C1orf174: variants seen among roughly 807,000 people sequenced by gnomAD.
The protein encoded by C1orf174 is UPF0688 protein C1orf174.
C1orf174 carries 13 observed loss-of-function variants against 18.4 expected under a neutral mutation model. That is an observed-to-expected ratio of 0.71 (90% CI 0.46 to 1.12). The LOEUF (loss-of-function observed/expected upper bound fraction) is 1.12, where lower values mean the gene tolerates loss of function less well. Among genes scored for constraint, C1orf174 ranks in the 50% most tolerant of loss-of-function variants. The pLI is 0.00. For synonymous variants in C1orf174, 100 were observed against 118.3 expected (o/e 0.85, Z 1.01); for missense variants, 309 against 308.0 (o/e 1.00, Z -0.02).
rs145371506 is a variant in C1orf174, at chr1:3,890,748, C to A, written c.439G>T (p.Gly147Trp). Residue 147 changes from glycine (G) to tryptophan (W), a missense_variant, in exon 3 of 4, where the codon GGG (glycine) becomes TGG (tryptophan). Coordinates refer to ENST00000361605, the MANE Select transcript of C1orf174 (RefSeq NM_207356.3). The part of the protein sequence containing the change: ...DGLSVPKHSA[G>W]SGAEESNSSS... The stretch of plus-strand genomic sequence containing the variant: ...CTGTTGGATTCTTCTGCTCCGGACC[C>A]GGCACTGTGTTTTGGCACGGACAGG... 3.7e-6 allele frequency: 6 copies of A among 1,613,966 alleles called. No homozygotes were observed. The East Asian group carries it at 6.7e-5, about 18-fold the overall frequency.
Position 3,889,759 on chromosome 1 carries a change from C to G in C1orf174, c.*201G>C, listed in dbSNP as rs1318816199. The G allele has an allele frequency of 1.8e-6, 1 of 566,464 alleles. No individual in the cohort carries two copies. Among genetic ancestry groups the G allele is most frequent in the Non-Finnish European group, 3.2e-6 (1 of 312,006 alleles). The allele number at this position is 566,464 out of a possible 1,614,324, so 35.1% of individuals were successfully genotyped here. A position where few individuals can be genotyped will look rare whatever the true frequency, so the allele number is the denominator to read the frequency against. ...GCACAGTACAGCAGCTTTGCAACCT[C>G]AAAGATGGTTTGAGTTTTAGTTCCC... is the stretch of plus-strand genomic sequence containing the variant. On this transcript the variant is annotated 3_prime_UTR_variant, in exon 4 of 4. Coordinates refer to ENST00000361605, the MANE Select transcript of C1orf174 (RefSeq NM_207356.3).
Position 3,890,883 on chromosome 1 carries a change from A to G in C1orf174, c.304T>C (p.Leu102=), listed in dbSNP as rs551271735. The part of the protein sequence containing the change: ...CENEFAEGSA[L]LPGSEAGVSV... ...ACGCCAGCCTCGCTGCCTGGAAGCAAGGCACTGCCTTCAGCAAACTCATTT... is the reference window on the plus strand; with the variant it reads ...ACGCCAGCCTCGCTGCCTGGAAGCAGGGCACTGCCTTCAGCAAACTCATTT... The change falls in exon 3 of 4, where the codon TTG becomes CTG. Residue 102 remains leucine (L), a synonymous_variant. Transcript: ENST00000361605. The G allele has an allele frequency of 1.2e-5, 19 of 1,613,880 alleles. 1 individual carries two copies. In the East Asian group the frequency reaches 4.0e-4, roughly 34 times the overall value.
intron 1 of C1orf174, among the ~76,000 whole-genome samples, chr1:3,896,472 T>C (rs1276243906): frequency 1.3e-5 from 2 of 152,248 alleles, no homozygotes; most frequent in East Asian, 1.9e-4. Flanking sequence ...CTGCAGGCCC[T>C]GGCTCAGAGG....
chr1:3,897,425 T>C lies in C1orf174; in HGVS notation c.15+2747A>G, dbSNP rs577540491. On this transcript the variant is annotated intron_variant, in intron 1 of 3. Transcript: ENST00000361605. The stretch of plus-strand genomic sequence containing the variant: ...GAAGGGCTTAATAGTAGAACTGAAC[T>C]GGCAGGATAAGCAAACTTGAAGACA... Among the ~76,000 whole-genome samples, 161 of 152,244 alleles carry C rather than the reference T, an allele frequency of 1.1e-3. 4 individuals carry two copies. The South Asian group carries it at 0.03, about 28-fold the overall frequency.
intron 1 of C1orf174, among the ~76,000 whole-genome samples, chr1:3,897,162 C>T (rs1257734076): frequency 6.6e-6 from 1 of 152,072 alleles, no homozygotes; most frequent in East Asian, 1.9e-4. Flanking sequence ...GAAAAGTAGG[C>T]TCATACACTG....
In C1orf174 at chr1:3,900,213, G is replaced by A. The variant is rs768548944; in HGVS notation, c.-27C>T. ...AGTGTGAGCACCGCAGCCAAGCACC[G>A]CGCGCCCCGGCCAACGCGTCCCGGC... On this transcript the variant is annotated 5_prime_UTR_variant, in exon 1 of 4. Transcript: ENST00000361605. The A allele has an allele frequency of 1.3e-6, 2 of 1,564,550 alleles. No homozygotes were observed. Among genetic ancestry groups the A allele is most frequent in the Middle Eastern group, 1.7e-4 (1 of 5,878 alleles).
chr1:3,891,098 G>A lies in C1orf174; in HGVS notation c.130-41C>T, dbSNP rs755346527. 5 of 1,565,956 alleles carry A rather than the reference G, an allele frequency of 3.2e-6. No individual in the cohort carries two copies. The Admixed American group carries it at 5.6e-5, about 18-fold the overall frequency. On this transcript the variant is annotated intron_variant, in intron 2 of 3. Transcript: ENST00000361605. ...ATGTAAGGGGAACCAGACATATCTA[G>A]CAAATAAAACAGGCCTCAATCCAGA...
intron 1 of C1orf174, chr1:3,895,734 G>C (rs768876034): frequency 6.6e-6 from 1 of 152,266 alleles, no homozygotes; most frequent in Non-Finnish European, 1.5e-5. Flanking sequence ...GCAGATTCCT[G>C]CTCTGCAGCT....
At chr1:3,891,145 C>T (rs1638503782) in intron 2 of C1orf174, 88 bp from the exon 3 acceptor site, 12 of 1,442,132 alleles carry the variant, frequency 8.3e-6, no homozygotes, top group African/African-American at 2.8e-5. Context: ...CTTCTCACAT[C>T]GGAAATGATA....
At position 3,889,700 on chromosome 1, in the gene C1orf174, GAAAAAA is replaced by G. The variant is rs59405380; in HGVS notation, c.*254_*259del. 103 of 146,258 alleles carry G rather than the reference GAAAAAA, an allele frequency of 7.0e-4. No homozygotes were observed. In the Middle Eastern group the frequency reaches 9.7e-3, roughly 14 times the overall value. The allele number at this position is 146,258 out of a possible 1,614,324, so 9.1% of individuals were successfully genotyped here. On this transcript the variant is annotated 3_prime_UTR_variant, in exon 4 of 4. Coordinates refer to ENST00000361605, the MANE Select transcript of C1orf174 (RefSeq NM_207356.3). ...ACAAGAGAGAAACTCTGTCTCCAAG[GAAAAAA>G]AAAAAAAAAAAAAAAGAAAGGACAT...
intron 2 of C1orf174, chr1:3,891,759 C>T (rs980537998): frequency 4.1e-6 from 4 of 986,020 alleles, no homozygotes; most frequent in Non-Finnish European, 4.8e-6. Context: ...CGGCAATGGG[C>T]CAGCATGACT....
At chr1:3,890,449 ATTAGT>A (rs972905756) in intron 3 of C1orf174, 115 bp downstream of exon 3, 27 of 1,373,742 alleles carry the variant, frequency 2.0e-5, no homozygotes, top group Non-Finnish European at 2.6e-5. Flanking sequence ...GGTTAAAATG[ATTAGT>A]TTATGTTTAA....
chr1:3,896,615 C>T (rs147304885), intron 1 of C1orf174, among the ~76,000 whole-genome samples: 249 of 152,298 alleles, frequency 1.6e-3, no homozygotes, highest in African/African-American at 5.6e-3. Context: ...GATGCTGTGA[C>T]GAAGGGGGTG....
intron 1 of C1orf174, among the ~76,000 whole-genome samples, chr1:3,896,767 G>A (rs1490563701): frequency 6.6e-6 from 1 of 152,186 alleles, no homozygotes; most frequent in African/African-American, 2.4e-5. Flanking sequence ...GTATCCCTTC[G>A]AAGAAGCCAC....
chr1:3,890,782 A>G lies in C1orf174; in HGVS notation c.405T>C (p.Thr135=), dbSNP rs114557430. 2.2e-4 allele frequency: 352 copies of G among 1,613,742 alleles called. 2 individuals carry two copies. The African/African-American group carries it at 4.2e-3, about 19-fold the overall frequency. ...GTTTTGGCACGGACAGGCCATCTCT[A>G]GTCTTTGCTAAGCGAGAGTCACTCA... ...RVVSDSRLAK[T]RDGLSVPKHS... Residue 135 remains threonine, a synonymous_variant, in exon 3 of 4, where the codon ACT becomes ACC. Transcript: ENST00000361605.
In C1orf174 at chr1:3,900,192, T is replaced by TGAGCACCGCAGCC. The variant is rs764824562; in HGVS notation, c.-19_-7dup. The TGAGCACCGCAGCC allele has an allele frequency of 2.3e-5, 36 of 1,583,952 alleles. No individual in the cohort carries two copies. The highest frequency in any genetic ancestry group is 2.7e-5 in the Non-Finnish European group (32 of 1,174,008). ...CTCACCTTCCGGCTCCTCATGAGTGTGAGCACCGCAGCCAAGCACCGCGCG... is the reference window on the plus strand; with the variant it reads ...CTCACCTTCCGGCTCCTCATGAGTGTGAGCACCGCAGCCGAGCACCGCAGCCAAGCACCGCGCG... On this transcript the variant is annotated 5_prime_UTR_variant, in exon 1 of 4. Coordinates refer to ENST00000361605, the MANE Select transcript of C1orf174 (RefSeq NM_207356.3).
At position 3,892,995 on chromosome 1, in the gene C1orf174, A is replaced by C; in HGVS notation, c.17T>G (p.Leu6Arg). The part of the protein sequence containing the change: MRSRK[L>R]TGAVRSSARL... ...CGCTGAAGACCGCACTGCACCTGTGAGCTAGAGAGATTGAGAGCCACTCAG... is the reference window on the plus strand; with the variant it reads ...CGCTGAAGACCGCACTGCACCTGTGCGCTAGAGAGATTGAGAGCCACTCAG... The change falls in exon 2 of 4, where the codon CTC (leucine) becomes CGC (arginine). Residue 6 changes from leucine (L) to arginine (R), a missense_variant and splice_region_variant. Coordinates refer to ENST00000361605, the MANE Select transcript of C1orf174 (RefSeq NM_207356.3). 1 of 1,613,738 alleles carries C rather than the reference A, an allele frequency of 6.2e-7. No homozygotes were observed. Among genetic ancestry groups the C allele is most frequent in the South Asian group, 1.1e-5 (1 of 90,996 alleles).
At chr1:3,899,696 C>T (rs1284531131) in intron 1 of C1orf174, among the ~76,000 whole-genome samples, 3 of 152,220 alleles carry the variant, frequency 2.0e-5, no homozygotes, top group African/African-American at 7.2e-5. Flanking sequence ...GAGGGTGCCC[C>T]ACCTTCCTAG....
Position 3,890,614 on chromosome 1 carries a change from C to A in C1orf174, c.573G>T (p.Gln191His). 6.2e-7 allele frequency: 1 copy of A among 1,614,184 alleles called. No homozygotes were observed. Among genetic ancestry groups the A allele is most frequent in the Non-Finnish European group, 8.5e-7 (1 of 1,180,038 alleles). ...CAAAGAACCGGCTCACGGGCATTGG[C>A]TGATTGCTGTCGTCATCTAGAAAGA... The part of the protein sequence containing the change: ...NSVFLDDDSN[Q>H]PMPVSRFFGN... Residue 191 changes from glutamine (Q) to histidine (H), a missense_variant, in exon 3 of 4, where the codon CAG becomes CAT. Coordinates refer to ENST00000361605, the MANE Select transcript of C1orf174 (RefSeq NM_207356.3).
Sources: gnomAD v4.1 joint callset for allele counts (sites outside exome capture counted in the v4.1 genomes callset) on GRCh38, gnomAD v4.1.1 for gene constraint, MANE v1.5 for transcripts, NCBI Gene and HGNC (gene_info 2026-07-23, HGNC 2026-07-21) for gene names.